FOXJ2: variants seen among roughly 807,000 people sequenced by gnomAD.
FOXJ2 encodes the protein forkhead box protein J2.
Under a neutral mutation model 68.4 loss-of-function variants are expected in FOXJ2, and 18 were observed. The ratio of observed to expected loss-of-function variants is 0.26; its 90% CI spans 0.18 to 0.39. The LOEUF is 0.39. Among genes scored for constraint, FOXJ2 ranks in the 10% least tolerant of loss-of-function variants. The pLI, the probability that FOXJ2 is intolerant of heterozygous loss-of-function variation, is 1.00. For missense variants in FOXJ2, 670 were observed against 726.5 expected (o/e 0.92, Z 0.89); for synonymous variants, 274 against 263.2 (o/e 1.04, Z -0.40).
chr12:8,037,043 C>T (rs150995875), intron 1 of FOXJ2, among the ~76,000 whole-genome samples: 2,191 of 152,218 alleles, frequency 0.014, 50 homozygotes, highest in African/African-American at 0.05. Context: ...GAGCCGAGAT[C>T]GCGCCACTGT....
rs1947162538 is a variant in FOXJ2, at chr12:8,054,436, T to C, written c.*1586T>C. 6.6e-6 allele frequency: 1 copy of C among 152,334 alleles called. No homozygotes were observed. Among genetic ancestry groups the C allele is most frequent in the South Asian group, 2.1e-4 (1 of 4,834 alleles). 9.4% of individuals were successfully genotyped at this position (152,334 alleles called of 1,614,324 possible). A position where few individuals can be genotyped will look rare whatever the true frequency, so the allele number is the denominator to read the frequency against. On this transcript the variant is annotated 3_prime_UTR_variant, in exon 11 of 11. Transcript: ENST00000162391. ...CTTTGTGATTTCTGCTTTTCATGCATATTATTTTATTTACCCATAATTTCC... is the reference window on the plus strand; with the variant it reads ...CTTTGTGATTTCTGCTTTTCATGCACATTATTTTATTTACCCATAATTTCC...
intron 6 of FOXJ2, among the ~76,000 whole-genome samples, chr12:8,045,648 G>A (rs757073975): frequency 1.3e-5 from 2 of 150,920 alleles, no homozygotes; most frequent in South Asian, 2.1e-4. Flanking sequence ...CACCGTGCCC[G>A]GCCATATTTC....
rs774762802 is a variant in FOXJ2, at chr12:8,049,484, G to A, written c.1450G>A (p.Gly484Arg). Reference sequence around the variant, plus strand: ...TCAGACTGGTCACGTGCCCCCTCAAGGGGGTACCCACCGCCCACCAGCCCC... The same window carrying A: ...TCAGACTGGTCACGTGCCCCCTCAAAGGGGTACCCACCGCCCACCAGCCCC... ...LTQTGHVPPQ[G>R]GTHRPPAPAR... is the part of the protein sequence containing the mutation. The change falls in exon 9 of 11, where the codon GGG (glycine) becomes AGG (arginine). Residue 484 changes from glycine to arginine, a missense_variant. Physicochemically the swap from Gly to Arg is moderately radical, Grantham distance 125. Around this residue, in one of 2 missense-constraint regions of FOXJ2, gnomAD observed 555 missense variants for 562.2 expected, o/e 0.99. Coordinates refer to ENST00000162391, the MANE Select transcript of FOXJ2 (RefSeq NM_018416.3). The A allele has an allele frequency of 1.9e-6, 3 of 1,614,058 alleles. No individual in the cohort carries two copies.
In FOXJ2 at chr12:8,037,727, C is replaced by A. The variant is rs138867453; in HGVS notation, c.-14-2092C>A. 1.5e-4 allele frequency among the ~76,000 whole-genome samples: 23 copies of A among 152,174 alleles called. No individual in the cohort carries two copies. In the East Asian group the frequency reaches 4.5e-3, roughly 29 times the overall value. On this transcript the variant is annotated intron_variant, in intron 1 of 10. Coordinates refer to ENST00000162391, the MANE Select transcript of FOXJ2 (RefSeq NM_018416.3). ...CCATCTGGGGAGGACCCAGGAGGAC[C>A]CTGGTCATTGGAAACCTGCTCATTG...
At chr12:8,042,851 G>A in intron 3 of FOXJ2, 119 bp downstream of exon 3, 1 of 835,426 alleles carries the variant, frequency 1.2e-6, no homozygotes, top group East Asian at 2.7e-5. Flanking sequence ...AATTAGAGAA[G>A]CATCTTTATT....
chr12:8,045,279 C>T (rs1296288859), intron 6 of FOXJ2, among the ~76,000 whole-genome samples: 1 of 148,818 alleles, frequency 6.7e-6, no homozygotes, highest in African/African-American at 2.5e-5. Context: ...AGTGCAGTGG[C>T]GCAATCTCGG....
At chr12:8,048,974 A>G (rs1319212887) in intron 8 of FOXJ2, among the ~76,000 whole-genome samples, 176 bp downstream of exon 8, 2 of 152,220 alleles carry the variant, frequency 1.3e-5, no homozygotes, top group Admixed American at 6.5e-5. Context: ...ACTCAAATTA[A>G]TCTTGTCTTA....
rs1947066206 is a variant in FOXJ2, at chr12:8,048,210, C to T, written c.1146C>T (p.Pro382=). ...GCTACCACCCTCATCAGCACCATCC[C>T]CACTCCCACCCTGCCCAGCAGCCAC... ...HGGYHPHQHH[P]HSHPAQQPPP... The change falls in exon 7 of 11, where the codon CCC becomes CCT. Residue 382 remains proline (P), a synonymous_variant. Coordinates refer to ENST00000162391, the MANE Select transcript of FOXJ2 (RefSeq NM_018416.3). 1.2e-6 allele frequency: 2 copies of T among 1,610,074 alleles called. No individual in the cohort carries two copies. Among genetic ancestry groups the T allele is most frequent in the Admixed American group, 1.7e-5 (1 of 59,426 alleles).
In FOXJ2 at chr12:8,040,612, A is replaced by G. The variant is rs780909019; in HGVS notation, c.333+447A>G. Reference sequence around the variant, plus strand: ...GATTTTTTGTATTTTTAGTAGAGATAGGGTTTCGCTATGTTGGCCAGGCTG... The same window carrying G: ...GATTTTTTGTATTTTTAGTAGAGATGGGGTTTCGCTATGTTGGCCAGGCTG... On this transcript the variant is annotated intron_variant, in intron 2 of 10. Transcript: ENST00000162391. The surrounding 1 kb of genome is among the most constrained non-coding windows in gnomAD (Gnocchi z 4.0). Among the ~76,000 whole-genome samples the G allele has an allele frequency of 6.6e-6, 1 of 151,802 alleles. No homozygotes were observed. Among genetic ancestry groups the G allele is most frequent in the East Asian group, 1.9e-4 (1 of 5,152 alleles).
At chr12:8,049,696 TAGTTTA>T in intron 9 of FOXJ2, 125 bp downstream of exon 9, 1 of 812,050 alleles carries the variant, frequency 1.2e-6, no homozygotes, top group South Asian at 2.2e-5. Flanking sequence ...GCAGTGGAAC[TAGTTTA>T]TCAGTTGACT....
chr12:8,052,307 C>A (rs1221386887), intron 10 of FOXJ2, among the ~76,000 whole-genome samples: 2 of 152,086 alleles, frequency 1.3e-5, no homozygotes, highest in African/African-American at 4.8e-5. Context: ...ACTGCAAGAC[C>A]TCCCGGGTTC....
At chr12:8,051,841 C>T (rs1022624862) in intron 10 of FOXJ2, among the ~76,000 whole-genome samples, 2 of 152,146 alleles carry the variant, frequency 1.3e-5, no homozygotes, top group Non-Finnish European at 2.9e-5. Context: ...GATTTCTATA[C>T]TGCTATTTCA....
chr12:8,039,852 G>A lies in FOXJ2; in HGVS notation c.20G>A (p.Ser7Asn), dbSNP rs773731922. MASDLE[S>N]SLTSIDWLPQ... ...AGTACCATGGCTTCTGACCTAGAGA[G>A]TAGCCTCACCTCCATAGACTGGCTC... The change falls in exon 2 of 11, where the codon AGT becomes AAT. Residue 7 changes from serine to asparagine, a missense_variant. By Grantham distance (46) the Ser-to-Asn change is conservative. Transcript: ENST00000162391. The A allele has an allele frequency of 2.5e-6, 4 of 1,613,946 alleles. No individual in the cohort carries two copies. The highest frequency in any genetic ancestry group is 2.2e-5 in the East Asian group (1 of 44,878).
At chr12:8,047,714 C>T (rs902674228) in intron 6 of FOXJ2, among the ~76,000 whole-genome samples, 168 bp from the exon 7 acceptor site, 1 of 152,134 alleles carries the variant, frequency 6.6e-6, no homozygotes, top group African/African-American at 2.4e-5. Flanking sequence ...GCCTTCCTGT[C>T]TCTTGTACCT....
intron 10 of FOXJ2, among the ~76,000 whole-genome samples, chr12:8,051,994 G>A (rs1426347995): frequency 1.3e-5 from 2 of 151,478 alleles, no homozygotes; most frequent in African/African-American, 4.8e-5. Context: ...TCAGCCTCCC[G>A]AGCAGCTGGG....
Position 8,038,883 on chromosome 12 carries a change from G to GCA in FOXJ2, c.-14-936_-14-935insCA, listed in dbSNP as rs1465368545. Among the ~76,000 whole-genome samples the GCA allele has an allele frequency of 2.0e-5, 3 of 152,308 alleles. No homozygotes were observed. The highest frequency in any genetic ancestry group is 7.2e-5 in the African/African-American group (3 of 41,574). On this transcript the variant is annotated intron_variant, in intron 1 of 10. Coordinates refer to ENST00000162391, the MANE Select transcript of FOXJ2 (RefSeq NM_018416.3). The surrounding 1 kb of genome is among the most constrained non-coding windows in gnomAD (Gnocchi z 5.3). Reference sequence around the variant, plus strand: ...AGGAGGGAGGAGGAGGGCGGAGAAGGGGAGCCAGCTCCGAGCTCCAGAGTG... The same window carrying GCA: ...AGGAGGGAGGAGGAGGGCGGAGAAGGCAGGAGCCAGCTCCGAGCTCCAGAGTG...
intron 3 of FOXJ2, among the ~76,000 whole-genome samples, chr12:8,042,934 G>A (rs1298558406): frequency 6.6e-6 from 1 of 152,166 alleles, no homozygotes; most frequent in African/African-American, 2.4e-5. Flanking sequence ...AAGACTGTGA[G>A]GCCAGGCGTG....
chr12:8,050,716 G>A, intron 10 of FOXJ2, 96 bp downstream of exon 10: 5 of 1,369,706 alleles, frequency 3.7e-6, no homozygotes, highest in Non-Finnish European at 5.2e-6. Flanking sequence ...ATTTTTGCCT[G>A]CATCTCGCTG....
intron 5 of FOXJ2, 37 bp from the exon 6 acceptor site, chr12:8,044,723 G>A (rs1947010933): frequency 2.5e-6 from 4 of 1,610,644 alleles, no homozygotes; most frequent in Non-Finnish European, 3.4e-6. Context: ...TCCCTCAGCT[G>A]GGACACTGAT....
Sources: allele counts gnomAD v4.1 joint callset (sites outside exome capture counted in the v4.1 genomes callset), GRCh38; gene constraint gnomAD v4.1.1; regional missense constraint gnomAD v4.1.1; non-coding constraint Gnocchi (gnomAD v3.1); transcripts MANE v1.5; gene names NCBI Gene and HGNC (gene_info 2026-07-23, HGNC 2026-07-21).